The following TDRD12 variants were observed in gnomAD, a reference collection of about 807,000 sequenced individuals.
TDRD12 encodes the protein tudor domain containing 12, also known as putative ATP-dependent RNA helicase TDRD12.
Under a neutral mutation model 133.5 loss-of-function variants are expected in TDRD12, and 158 were observed. The observed-to-expected ratio is 1.18, with a 90% CI of 1.04 to 1.35. The LOEUF (loss-of-function observed/expected upper bound fraction) is 1.35. Among genes scored for constraint, TDRD12 ranks in the 40% most tolerant of loss-of-function variants. The pLI is 0.00. For synonymous variants in TDRD12, 460 were observed against 477.9 expected (o/e 0.96, Z 0.49); for missense variants, 1,443 against 1,321.3 (o/e 1.09, Z -1.43).
At chr19:32,760,275 T>C (rs1235841261) in intron 8 of TDRD12, among the ~76,000 whole-genome samples, 2 of 152,204 alleles carry the variant, frequency 1.3e-5, no homozygotes, top group Non-Finnish European at 2.9e-5. Flanking sequence ...AAAAAGATAA[T>C]GTGAGGTGTA....
chr19:32,816,857 C>T (rs920786001), intron 26 of TDRD12, among the ~76,000 whole-genome samples: 1 of 152,198 alleles, frequency 6.6e-6, no homozygotes, highest in Non-Finnish European at 1.5e-5. Flanking sequence ...GGGCAAAAGA[C>T]CTGAGCAGCC....
rs188523644 is a variant in TDRD12 at position 32,722,630 on chromosome 19, A to G, written c.24+2534A>G. On this transcript the variant is annotated intron_variant, in intron 1 of 27. Coordinates refer to ENST00000444215, the Ensembl canonical transcript of TDRD12. The stretch of plus-strand genomic sequence containing the variant: ...TCTGAGAAATCTTTGTCTGACTCAC[A>G]GTCACAAAGATTTTTTTCCCCCATG... Among the ~76,000 whole-genome samples the G allele has an allele frequency of 2.6e-4, 39 of 152,128 alleles. 1 individual carries two copies. The highest frequency in any genetic ancestry group is 7.9e-4 in the African/African-American group (33 of 41,510).
chr19:32,746,305 A>G (rs1969623986), intron 4 of TDRD12, among the ~76,000 whole-genome samples: 2 of 142,330 alleles, frequency 1.4e-5, no homozygotes. Flanking sequence ...TGTGTGACAG[A>G]GGGGGAGAGA....
At chr19:32,730,861 C>T (rs12327732) in intron 1 of TDRD12, among the ~76,000 whole-genome samples, 26,859 of 152,038 alleles carry the variant, frequency 0.18, 2,496 homozygotes, top group African/African-American at 0.21. Flanking sequence ...ACTAAAAATA[C>T]AAAATTAACT....
exon 10 of TDRD12, chr19:32,827,179 A>T (rs992750625): frequency 1.5e-5 from 18 of 1,231,610 alleles, no homozygotes; most frequent in Non-Finnish European, 1.8e-5. Flanking sequence ...AATTCTAAAA[A>T]CCTGCCGTAC....
intron 11 of TDRD12, among the ~76,000 whole-genome samples, chr19:32,782,080 C>G (rs1185708775): frequency 3.3e-5 from 5 of 151,980 alleles, no homozygotes; most frequent in Admixed American, 6.6e-5. Context: ...AACCTGTCAC[C>G]TACATTAGGT....
At chr19:32,817,182 C>T (rs1322290416) in intron 26 of TDRD12, among the ~76,000 whole-genome samples, 1 of 152,180 alleles carries the variant, frequency 6.6e-6, no homozygotes, top group Non-Finnish European at 1.5e-5. Context: ...AATTCAGTGG[C>T]ATTTAGGACA....
intron 9 of TDRD12, 58 bp downstream of exon 32, chr19:32,826,807 C>G: frequency 1.9e-6 from 2 of 1,039,864 alleles, no homozygotes; most frequent in Non-Finnish European, 2.5e-6. Context: ...CAGTGAGGGA[C>G]ACCATCACCC....
At chr19:32,809,828 T>C (rs2050433372) in intron 22 of TDRD12, among the ~76,000 whole-genome samples, 1 of 152,254 alleles carries the variant, frequency 6.6e-6, no homozygotes, top group South Asian at 2.1e-4. Context: ...GGAACACTTA[T>C]ACCTAATAAT....
intron 4 of TDRD12, among the ~76,000 whole-genome samples, chr19:32,746,047 T>TGA (rs757885406): frequency 5.8e-5 from 7 of 121,696 alleles, no homozygotes; most frequent in African/African-American, 6.4e-5. Flanking sequence ...TCTGTGTGTG[T>TGA]GAGAGAGAGA....
rs569903745 is a variant in TDRD12, at chr19:32,738,095, C to T, written c.184-761C>T. On this transcript the variant is annotated intron_variant, in intron 2 of 27. Transcript: ENST00000444215. ...GAGGTTGCAGTGAGCCAAGGTCGCACCATCGCACTCCAGCCTGGGCAACAA... is the reference window on the plus strand; with the variant it reads ...GAGGTTGCAGTGAGCCAAGGTCGCATCATCGCACTCCAGCCTGGGCAACAA... 2.6e-5 allele frequency among the ~76,000 whole-genome samples: 4 copies of T among 152,096 alleles called. No homozygotes were observed. The East Asian group carries it at 5.8e-4, about 22-fold the overall frequency.
chr19:32,776,083 G>A (rs531040362), intron 10 of TDRD12, among the ~76,000 whole-genome samples: 1 of 152,092 alleles, frequency 6.6e-6, no homozygotes, highest in Non-Finnish European at 1.5e-5. Context: ...CTTAGCTTGG[G>A]GCGAGTTGGG....
At chr19:32,739,825 A>G (rs902704015) in intron 3 of TDRD12, among the ~76,000 whole-genome samples, 7 of 126,642 alleles carry the variant, frequency 5.5e-5, no homozygotes, top group African/African-American at 2.2e-4. Context: ...TGCTCTCTGC[A>G]TCTCCTGGGC....
At chr19:32,794,477 G>T in intron 13 of TDRD12, 151 bp from the exon 14 acceptor site, 2 of 595,488 alleles carry the variant, frequency 3.4e-6, no homozygotes, top group East Asian at 5.5e-5. Context: ...TTGGTACTGA[G>T]AAAAGATTTG....
intron 8 of TDRD12, among the ~76,000 whole-genome samples, chr19:32,771,353 T>A (rs1439438516): frequency 6.6e-6 from 1 of 152,144 alleles, no homozygotes; most frequent in Non-Finnish European, 1.5e-5. Context: ...ATATCCAGGA[T>A]TTCACCATGT....
intron 8 of TDRD12, among the ~76,000 whole-genome samples, chr19:32,770,709 T>A (rs1200261498): frequency 6.6e-6 from 1 of 152,220 alleles, no homozygotes; most frequent in African/African-American, 2.4e-5. Flanking sequence ...CTTTCTGTGC[T>A]TGCTTTTCCT....
At chr19:32,817,845 A>G (rs1967234448) in intron 26 of TDRD12, among the ~76,000 whole-genome samples, 1 of 149,682 alleles carries the variant, frequency 6.7e-6, no homozygotes, top group African/African-American at 2.5e-5. Flanking sequence ...AATGGCCCGT[A>G]CACACGACTG....
At chr19:32,719,788 C>T (rs920641621) in exon 1 of TDRD12, 2 of 541,576 alleles carry the variant, frequency 3.7e-6, no homozygotes, top group Admixed American at 6.3e-5. Flanking sequence ...GCGCGGGCAT[C>T]CGGTGGGTGC....
intron 1 of TDRD12, among the ~76,000 whole-genome samples, chr19:32,725,082 T>A (rs2145412747): frequency 6.6e-6 from 1 of 152,324 alleles, no homozygotes; most frequent in East Asian, 1.9e-4. Flanking sequence ...TAAATTTGTT[T>A]CAGTTCCTTA....
Sources: allele counts gnomAD v4.1 joint callset (sites outside exome capture counted in the v4.1 genomes callset), GRCh38; gene constraint gnomAD v4.1.1; transcripts MANE v1.5; gene names NCBI Gene and HGNC (gene_info 2026-07-23, HGNC 2026-07-21).